Variants in SATL1 observed in about 807,000 individuals in gnomAD.
SATL1 encodes spermidine/spermine N(1)-acetyltransferase-like protein 1.
In SATL1, 47 loss-of-function variants were observed where a neutral mutation model predicts 51.8. The observed-to-expected ratio is 0.91, with a 90% CI of 0.72 to 1.16. The LOEUF (loss-of-function observed/expected upper bound fraction) is 1.16, where lower values mean the gene tolerates loss of function less well. SATL1 is among the 50% of genes most tolerant of loss of function. SATL1 has a pLI of 0.00. For synonymous variants in SATL1, 176 were observed against 182.4 expected, an observed-to-expected ratio of 0.97 and a Z score of 0.28; for missense variants, 520 against 526.4, an observed-to-expected ratio of 0.99 and a Z score of 0.12.
At chrX:85,225,116 AG>A (rs1251508228) in intron 1 of SATL1, among the ~76,000 whole-genome samples, 1 of 111,876 alleles carries the variant, frequency 8.9e-6, no homozygotes, top group Non-Finnish European at 1.9e-5. Flanking sequence ...AGATTGAGTT[AG>A]GGGGGTGGGA....
intron 2 of SATL1, among the ~76,000 whole-genome samples, chrX:85,130,280 C>G (rs757970382): frequency 1.8e-5 from 2 of 111,266 alleles, no homozygotes; most frequent in East Asian, 5.6e-4. Flanking sequence ...TGGTCCTGGA[C>G]TTTTTTTGGT....
At chrX:85,135,334 T>G (rs1183830308) in intron 2 of SATL1, among the ~76,000 whole-genome samples, 1 of 110,155 alleles carries the variant, frequency 9.1e-6, no homozygotes, top group Non-Finnish European at 1.9e-5. Flanking sequence ...ACTTAAAAGT[T>G]GAAGAAAAAA....
At chrX:85,145,013 G>GT (rs1201665968) in intron 2 of SATL1, among the ~76,000 whole-genome samples, 1 of 110,206 alleles carries the variant, frequency 9.1e-6, no homozygotes, top group Non-Finnish European at 1.9e-5. Flanking sequence ...TCCAGCCTGG[G>GT]TGACAGAGCT....
intron 2 of SATL1, among the ~76,000 whole-genome samples, chrX:85,182,329 G>A (rs1927223007): frequency 9.0e-6 from 1 of 111,268 alleles, no homozygotes; most frequent in South Asian, 3.7e-4. Context: ...AAATATAAGT[G>A]AGAACATGCA....
chrX:85,142,290 G>A (rs1228900617), intron 2 of SATL1, among the ~76,000 whole-genome samples: 1 of 105,776 alleles, frequency 9.5e-6, no homozygotes. Flanking sequence ...CAGCTACTCA[G>A]GAGGCTGAGG....
intron 1 of SATL1, among the ~76,000 whole-genome samples, chrX:85,233,960 G>A (rs946731295): frequency 2.7e-5 from 3 of 111,070 alleles, no homozygotes; most frequent in African/African-American, 9.8e-5. Context: ...AAAACACCAA[G>A]CAAATGTAAC....
chrX:85,101,325 A>G (rs769887223), intron 4 of SATL1, among the ~76,000 whole-genome samples: 1 of 111,960 alleles, frequency 8.9e-6, no homozygotes, highest in African/African-American at 3.2e-5. Flanking sequence ...TATATAAAGG[A>G]CTCCTACAAC....
chrX:85,092,715 TA>T (rs1429687030), intron 7 of SATL1, 154 bp from the exon 8 acceptor site: 19 of 504,990 alleles, frequency 3.8e-5, no homozygotes, highest in Middle Eastern at 6.2e-4. Flanking sequence ...TCTATAGCTG[TA>T]AAAAGAAAAA....
rs111307995 is a variant in SATL1, at chrX:85,230,596, C to T, written c.-434-6270G>A. On this transcript the variant is annotated intron_variant, in intron 1 of 7. Coordinates refer to ENST00000644105, the MANE Select transcript of SATL1 (RefSeq NM_001367857.2). ...TACATCAAACTAAAAAGCTTCTACA[C>T]AGCAAAGGAAACAGTCCACAGAGTG... is the stretch of plus-strand genomic sequence containing the variant. Among the ~76,000 whole-genome samples, 678 of 111,942 alleles carry T rather than the reference C, an allele frequency of 6.1e-3. 6 individuals carry two copies. Among genetic ancestry groups the T allele is most frequent in the African/African-American group, 0.021 (646 of 30,908 alleles).
intron 3 of SATL1, 64 bp downstream of exon 3, chrX:85,107,264 C>A: frequency 2.1e-6 from 2 of 972,231 alleles, no homozygotes; most frequent in East Asian, 3.1e-5. Flanking sequence ...CCCAACTATG[C>A]CTCCCTTACT....
intron 2 of SATL1, among the ~76,000 whole-genome samples, chrX:85,194,188 A>G (rs1485196865): frequency 8.9e-6 from 1 of 112,234 alleles, no homozygotes; most frequent in African/African-American, 3.2e-5. Context: ...CTGTTATTTC[A>G]AAGACTTTTC....
intron 2 of SATL1, among the ~76,000 whole-genome samples, chrX:85,223,918 C>T (rs976151397): frequency 9.0e-6 from 1 of 111,219 alleles, no homozygotes; most frequent in Admixed American, 9.6e-5. Context: ...AGATAATGAC[C>T]ATCAGAGCAA....
chrX:85,220,589 T>C (rs1469470101), intron 2 of SATL1, among the ~76,000 whole-genome samples: 1 of 88,687 alleles, frequency 1.1e-5, no homozygotes, highest in African/African-American at 4.3e-5. Context: ...AGGGCACCGA[T>C]CAGAGTCATA....
chrX:85,134,041 A>G (rs1056959830), intron 2 of SATL1, among the ~76,000 whole-genome samples: 1 of 111,914 alleles, frequency 8.9e-6, no homozygotes, highest in Non-Finnish European at 1.9e-5. Context: ...TTGCACCAGG[A>G]AGAAGAACAT....
intron 2 of SATL1, among the ~76,000 whole-genome samples, chrX:85,139,287 A>G (rs956496712): frequency 1.8e-5 from 2 of 111,823 alleles, no homozygotes; most frequent in Non-Finnish European, 3.8e-5. Flanking sequence ...ACACATGTAT[A>G]TATGTATATG....
In SATL1 at chrX:85,110,333, G is replaced by T. The variant is rs1421505938; in HGVS notation, c.-312-1053C>A. On this transcript the variant is annotated intron_variant, in intron 2 of 7. Coordinates refer to ENST00000644105, the MANE Select transcript of SATL1 (RefSeq NM_001367857.2). ...GTCCTTTTACCTCTCCCCTCTGCAGGATTCATTCTCCCATCATTTTAACTG... is the reference window on the plus strand; with the variant it reads ...GTCCTTTTACCTCTCCCCTCTGCAGTATTCATTCTCCCATCATTTTAACTG... Among the ~76,000 whole-genome samples, 67 of 111,292 alleles carry T rather than the reference G, an allele frequency of 6.0e-4. No homozygotes were observed. In the Admixed American group the frequency reaches 6.4e-3, roughly 11 times the overall value.
chrX:85,113,150 T>G (rs1348022480), intron 2 of SATL1, among the ~76,000 whole-genome samples: 1 of 110,728 alleles, frequency 9.0e-6, no homozygotes. Flanking sequence ...ATGCCTCTGT[T>G]GTGTCCCACT....
intron 2 of SATL1, among the ~76,000 whole-genome samples, chrX:85,203,228 G>T (rs1927722501): frequency 9.0e-6 from 1 of 111,556 alleles, no homozygotes; most frequent in Non-Finnish European, 1.9e-5. Context: ...CCTGTTGCTG[G>T]ACCAAAGGCA....
intron 2 of SATL1, among the ~76,000 whole-genome samples, chrX:85,159,187 T>G (rs969874961): frequency 8.9e-6 from 1 of 111,893 alleles, no homozygotes; most frequent in South Asian, 3.7e-4. Flanking sequence ...AGTACCTGGT[T>G]AGTTACAGCT....
Sources: gnomAD v4.1 joint callset for allele counts (sites outside exome capture counted in the v4.1 genomes callset) on GRCh38, gnomAD v4.1.1 for gene constraint, MANE v1.5 for transcripts, NCBI Gene and HGNC (gene_info 2026-07-23, HGNC 2026-07-21) for gene names.